Variants in PAX3 observed in about 807,000 individuals in gnomAD.
The protein encoded by PAX3 is paired box 3, also known as paired box protein Pax-3.
In PAX3, 14 loss-of-function variants were observed where a neutral mutation model predicts 51.6. The observed-to-expected ratio is 0.27, with a 90% CI of 0.18 to 0.42. The LOEUF (loss-of-function observed/expected upper bound fraction) is 0.42. Ranked by LOEUF, PAX3 falls within the 10% of genes least tolerant of loss-of-function variation. The pLI is 1.00. For missense variants in PAX3, 540 were observed against 642.8 expected, an observed-to-expected ratio of 0.84 and a Z score of 1.73; for synonymous variants, 280 against 253.4, an observed-to-expected ratio of 1.11 and a Z score of -1.00.
At chr2:222,221,735 G>A in intron 5 of PAX3, 1 of 314,294 alleles carries the variant, frequency 3.2e-6, no homozygotes, top group Non-Finnish European at 6.2e-6. Context: ...CTTCTGGGGA[G>A]GATACATGAG....
rs570917822 is a variant in PAX3, at chr2:222,291,857, C to T, written c.586+2310G>A. Among the ~76,000 whole-genome samples the T allele has an allele frequency of 5.6e-4, 85 of 152,156 alleles. 1 individual carries two copies. The highest frequency in any genetic ancestry group is 4.4e-3 in the Admixed American group (67 of 15,282). On this transcript the variant is annotated intron_variant, in intron 4 of 8. Coordinates refer to ENST00000392070, the MANE Select transcript of PAX3 (RefSeq NM_181458.4). ...AACTGCACCTCACTCTGTCCTTTCT[C>T]TGGGCCCCTCTTGTCCTCCGAGGCT...
chr2:222,247,445 T>C (rs1183434974), intron 4 of PAX3, among the ~76,000 whole-genome samples: 1 of 152,188 alleles, frequency 6.6e-6, no homozygotes, highest in Non-Finnish European at 1.5e-5. Flanking sequence ...CTGCTTAGCA[T>C]AGAATTTTAA....
chr2:222,294,214 C>T lies in PAX3; in HGVS notation c.539G>A (p.Ser180Asn). 6.2e-7 allele frequency: 1 copy of T among 1,614,272 alleles called. No individual in the cohort carries two copies. Among genetic ancestry groups the T allele is most frequent in the South Asian group, 1.1e-5 (1 of 91,088 alleles). ...GATGCTGTGTTTGGCCTTCTTCTCG[C>T]TTTCCTCTGCCTCCTTCCTCTCCAA... ...ADLERKEAEESEKKAKHSIDG... is the reference protein window; with the variant it reads ...ADLERKEAEENEKKAKHSIDG... The change falls in exon 4 of 9, where the codon AGC becomes AAC. Residue 180 changes from serine to asparagine, a missense_variant. Physicochemically the swap from Ser to Asn is conservative, Grantham distance 46. Coordinates refer to ENST00000392070, the MANE Select transcript of PAX3 (RefSeq NM_181458.4).
At chr2:222,280,343 G>A (rs1460282832) in intron 4 of PAX3, among the ~76,000 whole-genome samples, 2 of 140,744 alleles carry the variant, frequency 1.4e-5, no homozygotes, top group Non-Finnish European at 3.1e-5. Context: ...AGGGAGGAAG[G>A]AAAGAAAAAG....
At chr2:222,253,644 T>C (rs900018612) in intron 4 of PAX3, among the ~76,000 whole-genome samples, 3 of 151,974 alleles carry the variant, frequency 2.0e-5, no homozygotes, top group African/African-American at 4.8e-5. Flanking sequence ...TTTTTTTTTT[T>C]TCTTTCTTTT....
At chr2:222,202,838 C>T (rs1691353338) in intron 7 of PAX3, among the ~76,000 whole-genome samples, 1 of 151,064 alleles carries the variant, frequency 6.6e-6, no homozygotes, top group African/African-American at 2.4e-5. Context: ...AGTTCAGTCA[C>T]CTGCTTTGAC....
chr2:222,237,310 G>A (rs1052286295), intron 4 of PAX3, among the ~76,000 whole-genome samples: 11 of 131,062 alleles, frequency 8.4e-5, no homozygotes, highest in Non-Finnish European at 1.6e-4. Context: ...AATGAGTGTT[G>A]AGTCTTTTAT....
At chr2:222,296,054 A>T (rs1435384224) in intron 2 of PAX3, among the ~76,000 whole-genome samples, 2 of 152,248 alleles carry the variant, frequency 1.3e-5, no homozygotes, top group Admixed American at 1.3e-4. Context: ...ATCAAGTTAA[A>T]TCTGCAACTT....
At chr2:222,286,491 G>GTA (rs1362048385) in intron 4 of PAX3, among the ~76,000 whole-genome samples, 3 of 152,238 alleles carry the variant, frequency 2.0e-5, no homozygotes, top group African/African-American at 7.2e-5. Context: ...AATCACCTCA[G>GTA]TAAGAGGTGG....
intron 7 of PAX3, 96 bp downstream of exon 7, chr2:222,220,044 G>A: frequency 9.6e-7 from 1 of 1,041,770 alleles, no homozygotes; most frequent in Non-Finnish European, 1.5e-6. Flanking sequence ...ATACATTATG[G>A]TTTAAATTTG....
intron 4 of PAX3, chr2:222,263,020 T>C: frequency 6.6e-6 from 1 of 152,220 alleles, no homozygotes; most frequent in East Asian, 1.9e-4. Flanking sequence ...GTAAAGTCTA[T>C]ATTTTCAGAA....
chr2:222,292,738 A>G (rs1404694530), intron 4 of PAX3, among the ~76,000 whole-genome samples: 1 of 152,194 alleles, frequency 6.6e-6, no homozygotes, highest in East Asian at 1.9e-4. Flanking sequence ...CTCAGAGACC[A>G]AGGCAGAAAA....
intron 4 of PAX3, among the ~76,000 whole-genome samples, chr2:222,249,245 T>A (rs1056175839): frequency 6.6e-6 from 1 of 152,178 alleles, no homozygotes; most frequent in South Asian, 2.1e-4. Flanking sequence ...AATAAAAACA[T>A]AAGAGCATGA....
At chr2:222,255,063 T>C (rs901722874) in intron 4 of PAX3, among the ~76,000 whole-genome samples, 29 of 152,138 alleles carry the variant, frequency 1.9e-4, no homozygotes, top group Middle Eastern at 3.2e-3. Flanking sequence ...GATTACAGGC[T>C]TGAGCCACCG....
At chr2:222,219,504 T>G (rs1692098702) in intron 7 of PAX3, among the ~76,000 whole-genome samples, 1 of 152,228 alleles carries the variant, frequency 6.6e-6, no homozygotes, top group Non-Finnish European at 1.5e-5. Context: ...TAATGTGATC[T>G]CCTAAGAAAA....
intron 4 of PAX3, among the ~76,000 whole-genome samples, chr2:222,291,292 G>A (rs1289555474): frequency 6.6e-6 from 1 of 152,170 alleles, no homozygotes; most frequent in African/African-American, 2.4e-5. Flanking sequence ...TGGGGATAGC[G>A]GGCGGGGTTC....
At chr2:222,228,634 C>T (rs142197348) in intron 5 of PAX3, among the ~76,000 whole-genome samples, 99 of 152,164 alleles carry the variant, frequency 6.5e-4, no homozygotes, top group African/African-American at 2.2e-3. Context: ...AGCTGATACT[C>T]GGCCTATTTT....
chr2:222,222,200 T>C (rs1692220358), intron 5 of PAX3, among the ~76,000 whole-genome samples: 1 of 152,200 alleles, frequency 6.6e-6, no homozygotes, highest in South Asian at 2.1e-4. Flanking sequence ...CAGCAAGAAA[T>C]GTAACTGAAT....
At chr2:222,235,160 AG>A (rs1174741422) in intron 4 of PAX3, among the ~76,000 whole-genome samples, 9 of 152,228 alleles carry the variant, frequency 5.9e-5, no homozygotes, top group African/African-American at 1.7e-4. Context: ...CTGAAGAAAA[AG>A]AATGGTTAGA....
Sources: gnomAD v4.1 joint callset for allele counts (sites outside exome capture counted in the v4.1 genomes callset) on GRCh38, gnomAD v4.1.1 for gene constraint, MANE v1.5 for transcripts, NCBI Gene and HGNC (gene_info 2026-07-23, HGNC 2026-07-21) for gene names.